Variants in GLRA1 observed in about 807,000 individuals in gnomAD.
GLRA1 encodes the protein glycine receptor subunit alpha-1.
A neutral mutation model predicts 48.3 loss-of-function variants in GLRA1; 37 were observed. That is an observed-to-expected ratio of 0.77 (90% CI 0.59 to 1.01). GLRA1 has a LOEUF of 1.01. GLRA1 is among the 50% of genes least tolerant of loss of function. The pLI is 0.00. For synonymous variants in GLRA1, 196 were observed against 210.7 expected (o/e 0.93, Z 0.60); for missense variants, 427 against 571.0 (o/e 0.75, Z 2.57).
intron 1 of GLRA1, among the ~76,000 whole-genome samples, chr5:151,905,736 GGTGA>G (rs201532656): frequency 0.013 from 2,046 of 152,142 alleles, 15 homozygotes; most frequent in Non-Finnish European, 0.018. Context: ...TGAAGTCAAC[GGTGA>G]GTAAGTAAAA....
At chr5:151,849,602 G>C (rs1398649197) in intron 7 of GLRA1, 2 of 152,336 alleles carry the variant, frequency 1.3e-5, no homozygotes, top group Non-Finnish European at 2.9e-5. Flanking sequence ...GCCCAGGCTG[G>C]AGTGCAATGG....
At chr5:151,896,767 T>A (rs1291984862) in intron 1 of GLRA1, among the ~76,000 whole-genome samples, 1 of 152,190 alleles carries the variant, frequency 6.6e-6, no homozygotes, top group African/African-American at 2.4e-5. Flanking sequence ...TTAAACTTAT[T>A]TAAAAGGAAA....
intron 3 of GLRA1, among the ~76,000 whole-genome samples, chr5:151,885,160 A>G (rs1315935858): frequency 2.6e-5 from 4 of 152,250 alleles, no homozygotes; most frequent in Admixed American, 1.3e-4. Flanking sequence ...TGGGACTGAA[A>G]GGTTGGATGT....
intron 4 of GLRA1, among the ~76,000 whole-genome samples, chr5:151,857,877 A>G (rs1280080471): frequency 3.9e-5 from 6 of 152,128 alleles, no homozygotes; most frequent in African/African-American, 9.7e-5. Flanking sequence ...CATCAAGGCA[A>G]CTCCCTCATG....
intron 7 of GLRA1, chr5:151,849,052 G>T: frequency 2.2e-6 from 1 of 449,470 alleles, no homozygotes; most frequent in Non-Finnish European, 4.2e-6. Flanking sequence ...GTGTGGAAGA[G>T]TTGCCTGAGT....
chr5:151,836,100 A>G (rs1353350015), intron 7 of GLRA1, among the ~76,000 whole-genome samples: 2 of 152,244 alleles, frequency 1.3e-5, no homozygotes, highest in East Asian at 1.9e-4. Flanking sequence ...TTGATAAGCA[A>G]CTTTAGCAAA....
In GLRA1 at chr5:151,857,231, C is replaced by A. The variant is rs111262804; in HGVS notation, c.477-848G>T. On this transcript the variant is annotated intron_variant, in intron 4 of 8. Transcript: ENST00000274576. ...GCTGGGATGCAGCACCTTTGGGTGGCGGTGGGTGTGGACAACTCATGTTTA... is the reference window on the plus strand; with the variant it reads ...GCTGGGATGCAGCACCTTTGGGTGGAGGTGGGTGTGGACAACTCATGTTTA... 2.6e-5 allele frequency among the ~76,000 whole-genome samples: 4 copies of A among 152,372 alleles called. No homozygotes were observed. In the East Asian group the frequency reaches 5.8e-4, roughly 22 times the overall value.
At chr5:151,866,487 A>C (rs962571859) in intron 3 of GLRA1, among the ~76,000 whole-genome samples, 1 of 152,158 alleles carries the variant, frequency 6.6e-6, no homozygotes, top group Admixed American at 6.6e-5. Flanking sequence ...GAGCTTGTGC[A>C]AGATTGTTGG....
At chr5:151,869,073 A>G (rs1248447653) in intron 3 of GLRA1, among the ~76,000 whole-genome samples, 2 of 151,744 alleles carry the variant, frequency 1.3e-5, no homozygotes, top group South Asian at 4.2e-4. Context: ...AGTTCTGTTT[A>G]TTGGGTGTAT....
chr5:151,847,643 C>G (rs1331655171), intron 7 of GLRA1, among the ~76,000 whole-genome samples: 1 of 151,532 alleles, frequency 6.6e-6, no homozygotes, highest in Non-Finnish European at 1.5e-5. Flanking sequence ...CGCTTGAACC[C>G]GGGAGGTGGA....
chr5:151,850,138 C>T, intron 7 of GLRA1: 2 of 1,603,940 alleles, frequency 1.2e-6, no homozygotes, highest in Non-Finnish European at 1.7e-6. Flanking sequence ...AATGGCTTCC[C>T]AGGACCCCAG....
Position 151,892,374 on chromosome 5 carries a change from A to T in GLRA1, c.121T>A (p.Phe41Ile). The T allele has an allele frequency of 6.2e-7, 1 of 1,614,066 alleles. No homozygotes were observed. The highest frequency in any genetic ancestry group is 8.5e-7 in the Non-Finnish European group (1 of 1,179,924). Residue 41 changes from phenylalanine to isoleucine, a missense_variant, in exon 2 of 9, where the codon TTC becomes ATC. Phe to Ile is a conservative substitution (Grantham distance 21, BLOSUM62 0). Coordinates refer to ENST00000274576, the MANE Select transcript of GLRA1 (RefSeq NM_000171.4). The part of the protein sequence containing the change: ...SAPKPMSPSD[F>I]LDKLMGRTSG... ...GTTCTCCCCATTAGCTTATCCAGGA[A>T]ATCCGAGGGTGACATAGGCTTGGGT...
chr5:151,919,196 TG>T, intron 1 of GLRA1, among the ~76,000 whole-genome samples: 1 of 152,222 alleles, frequency 6.6e-6, no homozygotes. Context: ...GGCGGTTACT[TG>T]TGCCTTTGAT....
At chr5:151,885,582 C>T (rs1051589876) in intron 3 of GLRA1, among the ~76,000 whole-genome samples, 3 of 152,182 alleles carry the variant, frequency 2.0e-5, no homozygotes, top group Non-Finnish European at 2.9e-5. Flanking sequence ...GGAAAGGAGG[C>T]TGGAGTGGGT....
In GLRA1 at chr5:151,852,944, G is replaced by C. The variant is rs527773544; in HGVS notation, c.698-1340C>G. ...GAAATTCTGCCATTTATGACAATGTGAATGAAGATGGAGGACATTTTTATA... is the reference window on the plus strand; with the variant it reads ...GAAATTCTGCCATTTATGACAATGTCAATGAAGATGGAGGACATTTTTATA... On this transcript the variant is annotated intron_variant, in intron 6 of 8. Coordinates refer to ENST00000274576, the MANE Select transcript of GLRA1 (RefSeq NM_000171.4). 7.2e-5 allele frequency among the ~76,000 whole-genome samples: 11 copies of C among 152,298 alleles called. No individual in the cohort carries two copies. The East Asian group carries it at 2.1e-3, about 29-fold the overall frequency.
intron 7 of GLRA1, among the ~76,000 whole-genome samples, chr5:151,833,992 C>A (rs561820718): frequency 6.6e-6 from 1 of 152,064 alleles, no homozygotes; most frequent in African/African-American, 2.4e-5. Context: ...TCTTAGAGAC[C>A]TACAAAGAGA....
intron 1 of GLRA1, among the ~76,000 whole-genome samples, chr5:151,907,196 A>T (rs1754493597): frequency 6.6e-6 from 1 of 152,108 alleles, no homozygotes; most frequent in Admixed American, 6.5e-5. Flanking sequence ...CTTACAAAAA[A>T]AAATACAGAT....
chr5:151,862,778 G>A (rs7707359), intron 3 of GLRA1, among the ~76,000 whole-genome samples: 7,175 of 152,218 alleles, frequency 0.047, 591 homozygotes, highest in African/African-American at 0.16. Context: ...TTTGTGCATG[G>A]TGAGTATCTT....
In GLRA1 at chr5:151,924,624, G is replaced by A; in HGVS notation, c.-75C>T. On this transcript the variant is annotated 5_prime_UTR_variant, in exon 1 of 9. Coordinates refer to ENST00000274576, the MANE Select transcript of GLRA1 (RefSeq NM_000171.4). ...TTTCAAATTGGCACTTACAAAACCA[G>A]AAAGCGCTATTGCAAAAAATAATCC... 1 of 916,428 alleles carries A rather than the reference G, an allele frequency of 1.1e-6. No individual in the cohort carries two copies. The highest frequency in any genetic ancestry group is 1.3e-5 in the South Asian group (1 of 77,230). 56.8% of individuals were successfully genotyped at this position (916,428 alleles called of 1,614,324 possible).
Sources: gnomAD v4.1 joint callset for allele counts (sites outside exome capture counted in the v4.1 genomes callset) on GRCh38, gnomAD v4.1.1 for gene constraint, MANE v1.5 for transcripts, NCBI Gene and HGNC (gene_info 2026-07-23, HGNC 2026-07-21) for gene names.